RBMS3: variants seen among roughly 807,000 people sequenced by gnomAD.
RBMS3 encodes RNA-binding motif, single-stranded-interacting protein 3.
RBMS3 carries 27 observed loss-of-function variants against 66.8 expected under a neutral mutation model. That is an observed-to-expected ratio of 0.40 (90% CI 0.30 to 0.56). The LOEUF (loss-of-function observed/expected upper bound fraction) is 0.56, where lower values mean the gene tolerates loss of function less well. Among genes scored for constraint, RBMS3 ranks in the 20% least tolerant of loss-of-function variants. The probability of loss-of-function intolerance (pLI) is 0.40; values close to 1 mark genes in which losing one functional copy is unlikely to be tolerated. For synonymous variants in RBMS3, 188 were observed against 183.0 expected (o/e 1.03, Z -0.22); for missense variants, 513 against 549.5 (o/e 0.93, Z 0.66).
intron 3 of RBMS3, among the ~76,000 whole-genome samples, chr3:29,527,181 T>TAAAAAAAAAAAA (rs538907247): frequency 1.4e-4 from 12 of 87,818 alleles, no homozygotes; most frequent in African/African-American, 5.2e-4. Context: ...TTAGGTAGAG[T>TAAAAAAAAAAAA]AAAAAAAAAA....
intron 1 of RBMS3, among the ~76,000 whole-genome samples, chr3:29,332,862 A>G (rs973381031): frequency 1.3e-5 from 2 of 152,194 alleles, no homozygotes; most frequent in African/African-American, 4.8e-5. Flanking sequence ...TGTTCCTCCA[A>G]TCATTAGTAG....
At chr3:29,300,430 T>G (rs901710443) in intron 1 of RBMS3, among the ~76,000 whole-genome samples, 2 of 151,968 alleles carry the variant, frequency 1.3e-5, no homozygotes, top group Non-Finnish European at 2.9e-5. Flanking sequence ...AGGAATAGAT[T>G]AAATGAATGA....
In RBMS3 at chr3:30,005,136, C is replaced by A. The variant is rs1461049453; in HGVS notation, c.*1274C>A. On this transcript the variant is annotated 3_prime_UTR_variant, in exon 15 of 15. Coordinates refer to ENST00000383767, the MANE Select transcript of RBMS3 (RefSeq NM_001003793.3). ...AAAAAATTTATTTGACCGACATGGC[C>A]GGACCAGTTCTTTCTTTGTTGTTTG... 1 of 150,988 alleles carries A rather than the reference C, an allele frequency of 6.6e-6. No individual in the cohort carries two copies. The highest frequency in any genetic ancestry group is 2.1e-4 in the South Asian group (1 of 4,788). 9.4% of individuals were successfully genotyped at this position (150,988 alleles called of 1,614,324 possible). A position where few individuals can be genotyped will look rare whatever the true frequency, so the allele number is the denominator to read the frequency against.
At chr3:29,959,987 A>T (rs1055992606) in intron 12 of RBMS3, among the ~76,000 whole-genome samples, 13 of 152,244 alleles carry the variant, frequency 8.5e-5, no homozygotes, top group Admixed American at 6.5e-5. Flanking sequence ...CCCAAATCTC[A>T]TGTCCTTACC....
At chr3:29,459,240 A>T (rs2042292333) in intron 2 of RBMS3, among the ~76,000 whole-genome samples, 1 of 152,148 alleles carries the variant, frequency 6.6e-6, no homozygotes, top group South Asian at 2.1e-4. Flanking sequence ...CTTCGTTTGA[A>T]ATTTCACTCC....
chr3:29,930,725 C>T (rs990340552), intron 10 of RBMS3, among the ~76,000 whole-genome samples: 2 of 149,906 alleles, frequency 1.3e-5, no homozygotes, highest in Non-Finnish European at 2.9e-5. Flanking sequence ...ACTTTTTATT[C>T]TAATATATAT....
intron 6 of RBMS3, among the ~76,000 whole-genome samples, chr3:29,803,189 T>C (rs961169602): frequency 2.6e-5 from 4 of 152,118 alleles, no homozygotes; most frequent in African/African-American, 9.7e-5. Flanking sequence ...ACTAGTTATA[T>C]GGAATCAGAA....
chr3:29,623,951 TG>T (rs1356416012), intron 4 of RBMS3, among the ~76,000 whole-genome samples: 1 of 152,204 alleles, frequency 6.6e-6, no homozygotes, highest in Non-Finnish European at 1.5e-5. Context: ...ACTAGAATTA[TG>T]GGGAAAAAAA....
intron 1 of RBMS3, among the ~76,000 whole-genome samples, chr3:29,308,812 AAAAG>A (rs1384501547): frequency 2.6e-5 from 4 of 151,224 alleles, no homozygotes; most frequent in African/African-American, 9.7e-5. Context: ...AAAAAAAAAA[AAAAG>A]AAGAAAGCTT....
intron 8 of RBMS3, among the ~76,000 whole-genome samples, chr3:29,885,988 T>C (rs975338127): frequency 8.6e-5 from 13 of 151,870 alleles, no homozygotes; most frequent in African/African-American, 3.1e-4. Flanking sequence ...TATATAATTA[T>C]GTAGTCAATT....
intron 6 of RBMS3, among the ~76,000 whole-genome samples, chr3:29,838,638 C>T (rs982257567): frequency 5.3e-5 from 8 of 152,090 alleles, no homozygotes; most frequent in African/African-American, 1.7e-4. Context: ...GCACATTTAA[C>T]GCTGGAGGGT....
At chr3:29,735,366 A>G (rs961697940) in intron 4 of RBMS3, among the ~76,000 whole-genome samples, 1 of 152,194 alleles carries the variant, frequency 6.6e-6, no homozygotes, top group African/African-American at 2.4e-5. Flanking sequence ...TCCCATTAAC[A>G]ATGGAGAGGA....
intron 1 of RBMS3, among the ~76,000 whole-genome samples, chr3:29,346,619 G>T (rs949651105): frequency 9.9e-5 from 15 of 151,978 alleles, no homozygotes; most frequent in African/African-American, 3.4e-4. Context: ...GACCGGACTG[G>T]TCTCGAACTC....
chr3:29,338,410 A>G (rs1575572242), intron 1 of RBMS3, among the ~76,000 whole-genome samples: 1 of 152,294 alleles, frequency 6.6e-6, no homozygotes. Flanking sequence ...TTTGTAAACT[A>G]CAGAATAGAA....
intron 5 of RBMS3, among the ~76,000 whole-genome samples, chr3:29,752,625 C>T (rs1215199570): frequency 6.6e-6 from 1 of 152,138 alleles, no homozygotes; most frequent in Non-Finnish European, 1.5e-5. Context: ...CACATTTAAA[C>T]ATATAGACAT....
chr3:29,725,277 G>A (rs759833872), intron 4 of RBMS3, among the ~76,000 whole-genome samples: 11 of 152,116 alleles, frequency 7.2e-5, no homozygotes, highest in African/African-American at 1.4e-4. Context: ...CACATTAAAC[G>A]TAAGACTTAT....
intron 3 of RBMS3, among the ~76,000 whole-genome samples, chr3:29,546,451 A>T (rs140049790): frequency 1.1e-3 from 172 of 152,280 alleles, no homozygotes; most frequent in African/African-American, 3.9e-3. Flanking sequence ...GGATACGTAC[A>T]CATGAAAAAT....
chr3:29,736,237 C>T (rs1027503730), intron 4 of RBMS3, among the ~76,000 whole-genome samples: 1 of 152,142 alleles, frequency 6.6e-6, no homozygotes, highest in African/African-American at 2.4e-5. Flanking sequence ...TCCCCAATGT[C>T]ATATTCTTTC....
At chr3:29,525,053 C>T (rs536712668) in intron 3 of RBMS3, among the ~76,000 whole-genome samples, 1 of 151,794 alleles carries the variant, frequency 6.6e-6, no homozygotes, top group Non-Finnish European at 1.5e-5. Flanking sequence ...GACGTTGTCT[C>T]TAAAGAAAGA....
Sources: gnomAD v4.1 joint callset for allele counts (sites outside exome capture counted in the v4.1 genomes callset) on GRCh38, gnomAD v4.1.1 for gene constraint, MANE v1.5 for transcripts, NCBI Gene and HGNC (gene_info 2026-07-23, HGNC 2026-07-21) for gene names.